The following HMGA2 variants were observed in gnomAD, a reference collection of about 807,000 sequenced individuals.
The protein encoded by HMGA2 is high mobility group AT-hook 2.
Under a neutral mutation model 19.1 loss-of-function variants are expected in HMGA2, and 8 were observed. That is an observed-to-expected ratio of 0.42 (90% CI 0.25 to 0.76). HMGA2 has a LOEUF of 0.76. Among genes scored for constraint, HMGA2 ranks in the 30% least tolerant of loss-of-function variants. The probability of loss-of-function intolerance (pLI) is 0.28; values close to 1 mark genes in which losing one functional copy is unlikely to be tolerated. For synonymous variants in HMGA2, 60 were observed against 48.8 expected (o/e 1.23, Z -0.96); for missense variants, 109 against 136.3 (o/e 0.80, Z 1.00).
chr12:65,892,030 C>T (rs562277693), intron 3 of HMGA2, among the ~76,000 whole-genome samples: 2 of 152,328 alleles, frequency 1.3e-5, no homozygotes, highest in South Asian at 4.1e-4. Context: ...TAATGCGCTG[C>T]CTTGTCTTCT....
At chr12:65,915,383 T>G (rs942794676) in intron 3 of HMGA2, 2 of 1,304,264 alleles carry the variant, frequency 1.5e-6, no homozygotes, top group Non-Finnish European at 9.8e-7. Flanking sequence ...TCTAGGCACA[T>G]GCAGAGCCAT....
chr12:65,892,016 A>G (rs1873931566), intron 3 of HMGA2, among the ~76,000 whole-genome samples: 1 of 152,180 alleles, frequency 6.6e-6, no homozygotes, highest in Non-Finnish European at 1.5e-5. Context: ...TACAGTTTGT[A>G]CAATAATGCG....
intron 3 of HMGA2, among the ~76,000 whole-genome samples, chr12:65,915,844 T>C (rs1358170704): frequency 6.6e-6 from 1 of 152,188 alleles, no homozygotes; most frequent in African/African-American, 2.4e-5. Flanking sequence ...TAATAGCAAA[T>C]TGGCAAAATC....
rs192696160 is a variant in HMGA2, at chr12:65,914,085, C to T, written c.250-37298C>T. On this transcript the variant is annotated intron_variant, in intron 3 of 4. Transcript: ENST00000403681. ...TCAACCATTGTGGAAGTCAGTGTGG[C>T]GATTCCTCAGGGATCTAGAACTAGA... Among the ~76,000 whole-genome samples, 325 of 152,204 alleles carry T rather than the reference C, an allele frequency of 2.1e-3. 4 individuals are homozygous for T. Among genetic ancestry groups the T allele is most frequent in the African/African-American group, 7.4e-3 (306 of 41,516 alleles).
intron 3 of HMGA2, chr12:65,942,729 T>C (rs1022333850): frequency 2.0e-5 from 3 of 152,202 alleles, no homozygotes; most frequent in Non-Finnish European, 2.9e-5. Context: ...CTGCTATAAC[T>C]CGGGAGCACA....
chr12:65,874,965 T>C (rs1872906401), intron 3 of HMGA2, among the ~76,000 whole-genome samples: 1 of 152,118 alleles, frequency 6.6e-6, no homozygotes, highest in African/African-American at 2.4e-5. Context: ...TATCTTCTCA[T>C]CTCCCTTTAT....
intron 3 of HMGA2, among the ~76,000 whole-genome samples, chr12:65,891,592 C>G (rs761979254): frequency 6.6e-6 from 1 of 152,114 alleles, no homozygotes; most frequent in African/African-American, 2.4e-5. Context: ...ATGCACAGTG[C>G]TGGTTAAGAG....
chr12:65,859,973 G>C (rs1026127268), intron 3 of HMGA2: 18 of 431,634 alleles, frequency 4.2e-5, no homozygotes, highest in African/African-American at 3.3e-4. Flanking sequence ...CACACCTATA[G>C]TCCCAGCTAC....
In HMGA2 at chr12:65,964,288, CAA is replaced by C. The variant is rs772055044; in HGVS notation, c.*1007_*1008del. 2.4e-3 allele frequency: 381 copies of C among 155,524 alleles called. 1 individual carries two copies. The highest frequency in any genetic ancestry group is 0.017 in the East Asian group (176 of 10,366). 9.6% of individuals were successfully genotyped at this position (155,524 alleles called of 1,614,324 possible). A position where few individuals can be genotyped will look rare whatever the true frequency, so the allele number is the denominator to read the frequency against. ...TATAGTTATACATCAATTTAAAAAG[CAA>C]AAAAAAAAAAGGGGGGGGCAATCTC... On this transcript the variant is annotated 3_prime_UTR_variant, in exon 5 of 5. Transcript: ENST00000403681.
intron 3 of HMGA2, among the ~76,000 whole-genome samples, chr12:65,947,979 T>A (rs1876326075): frequency 6.6e-6 from 1 of 152,146 alleles, no homozygotes. Context: ...TCGATTTGAC[T>A]TTTTTCTTTT....
intron 3 of HMGA2, among the ~76,000 whole-genome samples, chr12:65,887,124 TC>T (rs562717641): frequency 6.6e-6 from 1 of 151,920 alleles, no homozygotes; most frequent in Admixed American, 6.6e-5. Flanking sequence ...AAACGCTGAC[TC>T]CCCCCCTCAT....
chr12:65,825,636 C>T lies in HMGA2; in HGVS notation c.111+255C>T, dbSNP rs1413434954. On this transcript the variant is annotated intron_variant, in intron 1 of 4. Transcript: ENST00000403681. This position sits in a 1 kb window ranked among gnomAD's most constrained non-coding sequence, Gnocchi z 4.4. The stretch of plus-strand genomic sequence containing the variant: ...AGGCGGGAGGTGGGGTCGGGCGAAG[C>T]GCGTCCTCGGACTTTCGCTATTGTG... Among the ~76,000 whole-genome samples the T allele has an allele frequency of 6.6e-6, 1 of 151,872 alleles. No individual in the cohort carries two copies. Among genetic ancestry groups the T allele is most frequent in the Non-Finnish European group, 1.5e-5 (1 of 67,914 alleles).
intron 1 of HMGA2, chr12:65,826,220 A>C (rs1450330521): frequency 6.6e-6 from 1 of 152,104 alleles, no homozygotes; most frequent in Non-Finnish European, 1.5e-5. Context: ...CTCCAAGGCC[A>C]GTGGCCGGGG....
chr12:65,880,876 CTATT>C (rs1565719417), intron 3 of HMGA2, among the ~76,000 whole-genome samples: 1 of 152,178 alleles, frequency 6.6e-6, no homozygotes, highest in South Asian at 2.1e-4. Flanking sequence ...ATAACTGGCT[CTATT>C]TATCTTAGCA....
chr12:65,838,615 TTC>T (rs1158093049), intron 3 of HMGA2, 46 bp downstream of exon 3: 1 of 1,355,664 alleles, frequency 7.4e-7, no homozygotes, highest in Non-Finnish European at 1.0e-6. Flanking sequence ...AAAGAAAAAT[TTC>T]TGTTGTATTA....
At chr12:65,944,351 G>A (rs1265564311) in intron 3 of HMGA2, among the ~76,000 whole-genome samples, 1 of 152,194 alleles carries the variant, frequency 6.6e-6, no homozygotes, top group Admixed American at 6.5e-5. Context: ...AAGAGGTAGA[G>A]TTCAGGTGGA....
At chr12:65,829,076 A>G (rs1047838086) in intron 2 of HMGA2, 3 of 152,164 alleles carry the variant, frequency 2.0e-5, no homozygotes. Context: ...TGGGTACTCC[A>G]TGTACAGTAT....
At chr12:65,925,727 G>A (rs1284466794) in intron 3 of HMGA2, among the ~76,000 whole-genome samples, 1 of 152,142 alleles carries the variant, frequency 6.6e-6, no homozygotes, top group African/African-American at 2.4e-5. Flanking sequence ...CATGTCAAGC[G>A]ATCATTAAGT....
intron 3 of HMGA2, chr12:65,915,196 A>C (rs1875038142): frequency 1.2e-6 from 2 of 1,607,578 alleles, no homozygotes; most frequent in South Asian, 1.1e-5. Flanking sequence ...TGTCCATTAC[A>C]TCTATGAGCC....
Sources: gnomAD v4.1 joint callset for allele counts (sites outside exome capture counted in the v4.1 genomes callset) on GRCh38, gnomAD v4.1.1 for gene constraint, Gnocchi (gnomAD v3.1) non-coding constraint, MANE v1.5 for transcripts, NCBI Gene and HGNC (gene_info 2026-07-23, HGNC 2026-07-21) for gene names.